The following PACSIN2 variants were observed in gnomAD, a reference collection of about 807,000 sequenced individuals.
PACSIN2 encodes protein kinase C and casein kinase substrate in neurons 2.
Under a neutral mutation model 63.8 loss-of-function variants are expected in PACSIN2, and 25 were observed. The ratio of observed to expected loss-of-function variants is 0.39; its 90% CI spans 0.29 to 0.55. The LOEUF is 0.55. PACSIN2 is among the 20% of genes least tolerant of loss of function. The pLI is 0.62. For synonymous variants in PACSIN2, 255 were observed against 256.2 expected (o/e 1.00, Z 0.05); for missense variants, 518 against 646.9 (o/e 0.80, Z 2.16).
At chr22:43,003,558 G>A (rs1383947055) in intron 1 of PACSIN2, among the ~76,000 whole-genome samples, 3 of 152,152 alleles carry the variant, frequency 2.0e-5, no homozygotes, top group African/African-American at 7.2e-5. Flanking sequence ...AGCCGAGATC[G>A]CGCCACTGCA....
At chr22:42,968,649 G>A (rs4822237) in intron 1 of PACSIN2, among the ~76,000 whole-genome samples, 87,695 of 151,978 alleles carry the variant, frequency 0.58, 25,717 homozygotes, top group East Asian at 0.78. Context: ...ATTAGTGTGA[G>A]TGGATGAGGT....
chr22:42,951,035 G>GA (rs1933667986), intron 1 of PACSIN2, among the ~76,000 whole-genome samples: 1 of 152,198 alleles, frequency 6.6e-6, no homozygotes, highest in African/African-American at 2.4e-5. Context: ...AGTCTTGAAT[G>GA]AACATCTCTG....
chr22:42,884,050 C>G (rs1019201529), intron 6 of PACSIN2, among the ~76,000 whole-genome samples: 2 of 151,728 alleles, frequency 1.3e-5, no homozygotes, highest in Non-Finnish European at 2.9e-5. Context: ...TGCCTTGGTC[C>G]TAGCTGTGGC....
intron 2 of PACSIN2, among the ~76,000 whole-genome samples, chr22:42,903,575 A>T (rs1004893216): frequency 1.3e-5 from 2 of 152,162 alleles, no homozygotes; most frequent in African/African-American, 4.8e-5. Flanking sequence ...CTCATCCACC[A>T]CTGGGCTCCC....
chr22:43,008,420 T>C (rs1321263795), intron 1 of PACSIN2, among the ~76,000 whole-genome samples: 1 of 152,064 alleles, frequency 6.6e-6, no homozygotes, highest in East Asian at 1.9e-4. Flanking sequence ...CCAGCTAGTT[T>C]TTATATTTTT....
At chr22:42,942,509 T>G (rs1569303594) in intron 1 of PACSIN2, among the ~76,000 whole-genome samples, 1 of 152,022 alleles carries the variant, frequency 6.6e-6, no homozygotes, top group Non-Finnish European at 1.5e-5. Flanking sequence ...TTTTTAAACG[T>G]TTTTTTAATT....
Position 42,980,072 on chromosome 22 carries a change from TA to T in PACSIN2, c.-78+34948del, listed in dbSNP as rs527709387. On this transcript the variant is annotated intron_variant, in intron 1 of 10. Coordinates refer to ENST00000263246, the MANE Select transcript of PACSIN2 (RefSeq NM_001184970.3). ...GTTTCTATTAAAACAAGTTGTTAAT[TA>T]AAAAAAAAAGAAAGAAAGAAACAAT... Among the ~76,000 whole-genome samples, 929 of 148,692 alleles carry T rather than the reference TA, an allele frequency of 6.2e-3. 1 individual carries two copies. The highest frequency in any genetic ancestry group is 8.1e-3 in the Non-Finnish European group (543 of 66,894).
intron 1 of PACSIN2, among the ~76,000 whole-genome samples, chr22:42,947,350 C>T (rs901682139): frequency 1.4e-4 from 22 of 152,326 alleles, no homozygotes; most frequent in Admixed American, 8.5e-4. Flanking sequence ...CCCAGGTCAA[C>T]GCTTCAGCTT....
Position 42,871,315 on chromosome 22 carries a change from G to C in PACSIN2, c.*42C>G. ...CCCACGTGGCTGGCTGAGGCTCCTG[G>C]GCCCGCCGCCTCCGTCCCCCCGCTG... On this transcript the variant is annotated 3_prime_UTR_variant, in exon 11 of 11. Transcript: ENST00000263246. The surrounding 1 kb of genome is among the most constrained non-coding windows in gnomAD (Gnocchi z 5.4). 7.7e-7 allele frequency: 1 copy of C among 1,301,914 alleles called. No individual in the cohort carries two copies. The highest frequency in any genetic ancestry group is 1.1e-6 in the Non-Finnish European group (1 of 903,122). The allele number at this position is 1,301,914 out of a possible 1,614,324, so 80.6% of individuals were successfully genotyped here. A position where few individuals can be genotyped will look rare whatever the true frequency, so the allele number is the denominator to read the frequency against.
chr22:43,007,226 T>TC (rs1924151168), intron 1 of PACSIN2, among the ~76,000 whole-genome samples: 1 of 151,476 alleles, frequency 6.6e-6, no homozygotes, highest in Admixed American at 6.6e-5. Context: ...GTTCTTTTTT[T>TC]TTTTTTTTTT....
chr22:42,907,247 C>T (rs1024144572), intron 2 of PACSIN2, among the ~76,000 whole-genome samples: 1 of 152,188 alleles, frequency 6.6e-6, no homozygotes, highest in Non-Finnish European at 1.5e-5. Flanking sequence ...AAAGAGTATG[C>T]TTCTATTTTG....
chr22:42,891,178 G>A lies in PACSIN2; in HGVS notation c.222C>T (p.Pro74=). ...RRWRQLVEKG[P]QYGTVEKAWM... ...AGGCCTTCTCCACGGTCCCGTACTG[G>A]GGCCCTGTGCAGGGGAGAGAAGCTG... The change falls in exon 4 of 11, where the codon CCC becomes CCT. Residue 74 remains proline (P), a synonymous_variant. Coordinates refer to ENST00000263246, the MANE Select transcript of PACSIN2 (RefSeq NM_001184970.3). 6.2e-7 allele frequency: 1 copy of A among 1,612,242 alleles called. No individual in the cohort carries two copies. Among genetic ancestry groups the A allele is most frequent in the Non-Finnish European group, 8.5e-7 (1 of 1,179,006 alleles).
intron 1 of PACSIN2, among the ~76,000 whole-genome samples, chr22:42,935,093 T>A (rs1281660058): frequency 6.7e-6 from 1 of 150,228 alleles, no homozygotes; most frequent in Non-Finnish European, 1.5e-5. Flanking sequence ...TTTTTTTTTT[T>A]TTTTTTTATT....
At chr22:42,979,212 T>C (rs1921902289) in intron 1 of PACSIN2, among the ~76,000 whole-genome samples, 1 of 152,118 alleles carries the variant, frequency 6.6e-6, no homozygotes, top group Non-Finnish European at 1.5e-5. Flanking sequence ...GTGTTTTTAT[T>C]TATAGATTTA....
At chr22:42,886,320 G>C (rs1929471436) in intron 5 of PACSIN2, among the ~76,000 whole-genome samples, 1 of 152,220 alleles carries the variant, frequency 6.6e-6, no homozygotes, top group Non-Finnish European at 1.5e-5. Context: ...AGCACTAAAT[G>C]CAAAAAGTTC....
intron 1 of PACSIN2, among the ~76,000 whole-genome samples, chr22:43,007,908 ACT>A (rs1402258171): frequency 6.6e-6 from 1 of 152,190 alleles, no homozygotes; most frequent in Non-Finnish European, 1.5e-5. Context: ...CACATGAGCC[ACT>A]GAGATATCCT....
At chr22:42,982,049 G>T (rs1922202930) in intron 1 of PACSIN2, among the ~76,000 whole-genome samples, 1 of 112,456 alleles carries the variant, frequency 8.9e-6, no homozygotes, top group Non-Finnish European at 1.9e-5. Flanking sequence ...GAGGTGAGGG[G>T]CGCCTCTGCC....
chr22:42,926,563 C>T (rs1569282009), intron 1 of PACSIN2, among the ~76,000 whole-genome samples: 1 of 152,070 alleles, frequency 6.6e-6, no homozygotes, highest in Admixed American at 6.6e-5. Flanking sequence ...CAAAGAAACA[C>T]AGCACAGACT....
chr22:42,896,213 T>C (rs1262499204), intron 2 of PACSIN2, among the ~76,000 whole-genome samples: 1 of 152,070 alleles, frequency 6.6e-6, no homozygotes, highest in Non-Finnish European at 1.5e-5. Flanking sequence ...ACAGACATGA[T>C]TTTTGCCCCT....
Sources: allele counts gnomAD v4.1 joint callset (sites outside exome capture counted in the v4.1 genomes callset), GRCh38; gene constraint gnomAD v4.1.1; non-coding constraint Gnocchi (gnomAD v3.1); transcripts MANE v1.5; gene names NCBI Gene and HGNC (gene_info 2026-07-23, HGNC 2026-07-21).